Variants in SIRPD observed in about 807,000 individuals in gnomAD.
SIRPD encodes the protein signal-regulatory protein delta.
A neutral mutation model predicts 18.0 loss-of-function variants in SIRPD; 21 were observed. That is an observed-to-expected ratio of 1.17 (90% CI 0.83 to 1.68). The LOEUF is 1.68. SIRPD is among the 40% of genes most tolerant of loss of function. The pLI, the probability that SIRPD is intolerant of heterozygous loss-of-function variation, is 0.00. For missense variants in SIRPD, 295 were observed against 238.4 expected (o/e 1.24, Z -1.56); for synonymous variants, 106 against 92.9 (o/e 1.14, Z -0.81).
chr20:1,552,283 G>A (rs1206351093), intron 1 of SIRPD, among the ~76,000 whole-genome samples: 1 of 152,178 alleles, frequency 6.6e-6, no homozygotes, highest in African/African-American at 2.4e-5. Flanking sequence ...CGTGGTAAGA[G>A]GAGGACAGGG....
At chr20:1,550,206 T>G (rs1210660767) in intron 2 of SIRPD, among the ~76,000 whole-genome samples, 1 of 152,216 alleles carries the variant, frequency 6.6e-6, no homozygotes, top group Non-Finnish European at 1.5e-5. Flanking sequence ...ATGTGGTGGA[T>G]GAACATATTT....
intron 1 of SIRPD, among the ~76,000 whole-genome samples, chr20:1,556,807 G>T (rs1379437897): frequency 6.6e-6 from 1 of 152,208 alleles, no homozygotes; most frequent in Non-Finnish European, 1.5e-5. Context: ...AACCAACCCT[G>T]CCCACACTTC....
At chr20:1,534,493 C>A (rs2090937270) in intron 3 of SIRPD, 52 bp from the exon 4 acceptor site, 7 of 1,530,450 alleles carry the variant, frequency 4.6e-6, no homozygotes, top group Non-Finnish European at 6.2e-6. Flanking sequence ...CTCCTGCAAG[C>A]TAAGAGCAGA....
Position 1,551,913 on chromosome 20 carries a change from C to T in SIRPD, c.199G>A (p.Gly67Arg), listed in dbSNP as rs2091020999. Reference sequence around the variant, plus strand: ...ATTAATTTCCGGTTTGGCCCTGTTCCCTTGAACCACAAGACAGGTCCATTT... The same window carrying T: ...ATTAATTTCCGGTTTGGCCCTGTTCTCTTGAACCACAAGACAGGTCCATTT... ...LPNGPVLWFK[G>R]TGPNRKLIYN... The change falls in exon 2 of 4, where the codon GGA becomes AGA. Residue 67 changes from glycine to arginine, a missense_variant. Gly to Arg is a moderately radical substitution (Grantham distance 125, BLOSUM62 -2). Transcript: ENST00000381623. 1 of 1,613,966 alleles carries T rather than the reference C, an allele frequency of 6.2e-7. No individual in the cohort carries two copies. Among genetic ancestry groups the T allele is most frequent in the South Asian group, 1.1e-5 (1 of 91,084 alleles).
intron 1 of SIRPD, among the ~76,000 whole-genome samples, chr20:1,555,990 C>T (rs758077178): frequency 2.6e-5 from 4 of 152,182 alleles, no homozygotes; most frequent in Non-Finnish European, 5.9e-5. Flanking sequence ...GGTTGTAGGA[C>T]TGAGGCCCTC....
intron 3 of SIRPD, among the ~76,000 whole-genome samples, chr20:1,535,354 T>C (rs2090940740): frequency 6.6e-6 from 1 of 152,160 alleles, no homozygotes; most frequent in Admixed American, 6.5e-5. Flanking sequence ...TAAATATTTG[T>C]CCCCTCCAAA....
Position 1,551,881 on chromosome 20 carries a change from A to G in SIRPD, c.231T>C (p.Asn77=), listed in dbSNP as rs373544171. The change falls in exon 2 of 4, where the codon AAT becomes AAC. Residue 77 remains asparagine (N), a synonymous_variant. Coordinates refer to ENST00000381623, the MANE Select transcript of SIRPD (RefSeq NM_178460.3). ...GTGPNRKLIY[N]FKQGNFPRVK... ...CTCTGGGAAAGTTACCTTGTTTGAA[A>G]TTGTAGATTAATTTCCGGTTTGGCC... 6 of 1,613,954 alleles carry G rather than the reference A, an allele frequency of 3.7e-6. No homozygotes were observed. The highest frequency in any genetic ancestry group is 5.1e-6 in the Non-Finnish European group (6 of 1,179,998).
chr20:1,546,749 T>C (rs2090995359), intron 2 of SIRPD, among the ~76,000 whole-genome samples: 1 of 152,210 alleles, frequency 6.6e-6, no homozygotes, highest in African/African-American at 2.4e-5. Context: ...CATAAACATT[T>C]GTTATCTGAT....
chr20:1,536,514 A>G (rs930347055), intron 3 of SIRPD, among the ~76,000 whole-genome samples: 3 of 151,724 alleles, frequency 2.0e-5, no homozygotes, highest in Non-Finnish European at 4.4e-5. Context: ...GACTGTGCAG[A>G]TCATCTTTGG....
intron 2 of SIRPD, among the ~76,000 whole-genome samples, chr20:1,550,403 T>C (rs1338047582): frequency 2.0e-5 from 3 of 152,150 alleles, no homozygotes; most frequent in East Asian, 1.9e-4. Context: ...GGTTGTAAGA[T>C]GGGGGAATGA....
intron 2 of SIRPD, among the ~76,000 whole-genome samples, chr20:1,537,809 G>A (rs779505747): frequency 2.6e-5 from 4 of 152,212 alleles, no homozygotes; most frequent in Non-Finnish European, 5.9e-5. Context: ...CTTTGAGTGA[G>A]CAAGGAGTTC....
intron 2 of SIRPD, among the ~76,000 whole-genome samples, chr20:1,545,730 T>C (rs1170912566): frequency 6.6e-6 from 1 of 152,248 alleles, no homozygotes; most frequent in Non-Finnish European, 1.5e-5. Context: ...TTTTTTGCGC[T>C]GTTTTTTCCT....
At chr20:1,542,207 A>T (rs936452923) in intron 2 of SIRPD, among the ~76,000 whole-genome samples, 3 of 152,160 alleles carry the variant, frequency 2.0e-5, no homozygotes, top group Non-Finnish European at 2.9e-5. Flanking sequence ...TGGGAATAGC[A>T]TTGATTCTAT....
intron 2 of SIRPD, among the ~76,000 whole-genome samples, chr20:1,545,733 T>G (rs4536713): frequency 0.16 from 24,731 of 152,206 alleles, 2,411 homozygotes; most frequent in Middle Eastern, 0.23. Flanking sequence ...TTTGCGCTGT[T>G]TTTTCCTCAT....
chr20:1,549,232 T>A (rs73078707), intron 2 of SIRPD, among the ~76,000 whole-genome samples: 9 of 152,190 alleles, frequency 5.9e-5, no homozygotes, highest in Admixed American at 2.6e-4. Flanking sequence ...TGATGCAACA[T>A]TATCATGTTA....
At chr20:1,535,914 G>A (rs977995136) in intron 3 of SIRPD, among the ~76,000 whole-genome samples, 4 of 152,176 alleles carry the variant, frequency 2.6e-5, no homozygotes, top group African/African-American at 9.7e-5. Context: ...TCTGTGAAAT[G>A]GGCTTTCCAT....
At chr20:1,548,233 C>CTATGGG (rs1428650817) in intron 2 of SIRPD, among the ~76,000 whole-genome samples, 3 of 152,148 alleles carry the variant, frequency 2.0e-5, no homozygotes, top group African/African-American at 7.2e-5. Context: ...ATGATGTTAG[C>CTATGGG]TATGGGTTTT....
At chr20:1,552,621 G>T (rs1469155602) in intron 1 of SIRPD, among the ~76,000 whole-genome samples, 1 of 152,150 alleles carries the variant, frequency 6.6e-6, no homozygotes. Flanking sequence ...TCAACAAAAA[G>T]AGATTAGAAC....
chr20:1,542,701 A>G (rs1477331308), intron 2 of SIRPD, among the ~76,000 whole-genome samples: 1 of 152,178 alleles, frequency 6.6e-6, no homozygotes, highest in African/African-American at 2.4e-5. Context: ...GAGAGAGGGC[A>G]TTCTTGTCTT....
Sources: allele counts gnomAD v4.1 joint callset (sites outside exome capture counted in the v4.1 genomes callset), GRCh38; gene constraint gnomAD v4.1.1; transcripts MANE v1.5; gene names NCBI Gene and HGNC (gene_info 2026-07-23, HGNC 2026-07-21).